Variants in UNC13C observed in about 807,000 individuals in gnomAD.
UNC13C encodes protein unc-13 homolog C.
Under a neutral mutation model 245.4 loss-of-function variants are expected in UNC13C, and 174 were observed. The ratio of observed to expected loss-of-function variants is 0.71; its 90% confidence interval spans 0.63 to 0.80. The LOEUF (loss-of-function observed/expected upper bound fraction) is 0.80, where lower values mean the gene tolerates loss of function less well. Among genes scored for constraint, UNC13C ranks in the 30% least tolerant of loss-of-function variants. The pLI, the probability that UNC13C is intolerant of heterozygous loss-of-function variation, is 0.00. For synonymous variants in UNC13C, 992 were observed against 895.1 expected, an observed-to-expected ratio of 1.11 and a Z score of -1.93; for missense variants, 2,829 against 2,602.9, an observed-to-expected ratio of 1.09 and a Z score of -1.89.
chr15:54,262,731 A>G (rs571943538), intron 8 of UNC13C, among the ~76,000 whole-genome samples: 1 of 152,248 alleles, frequency 6.6e-6, no homozygotes, highest in East Asian at 1.9e-4. Flanking sequence ...AAAATAAAAG[A>G]TAAAGACAGG....
chr15:54,077,973 C>G (rs1226469023), intron 2 of UNC13C, among the ~76,000 whole-genome samples: 1 of 152,160 alleles, frequency 6.6e-6, no homozygotes, highest in African/African-American at 2.4e-5. Context: ...CTTCTTCCCT[C>G]CCAGCCTCCC....
the UNC13C span, among the ~76,000 whole-genome samples, chr15:53,940,691 A>G: frequency 1.3e-5 from 2 of 152,184 alleles, no homozygotes; most frequent in South Asian, 4.1e-4. Context: ...GCAGAGAGCC[A>G]AATCATGAAT....
chr15:54,427,406 C>A (rs776644967), intron 19 of UNC13C, among the ~76,000 whole-genome samples: 27 of 151,794 alleles, frequency 1.8e-4, no homozygotes, highest in Non-Finnish European at 3.1e-4. Context: ...GATTCTGAGG[C>A]TTTCCTCAGC....
chr15:54,306,212 T>TTA (rs2037720282), intron 13 of UNC13C, among the ~76,000 whole-genome samples: 1 of 152,100 alleles, frequency 6.6e-6, no homozygotes, highest in Middle Eastern at 3.4e-3. Flanking sequence ...AGGGTACCAT[T>TTA]TATTAGCCCT....
At chr15:54,216,471 T>C (rs1415271788) in intron 4 of UNC13C, among the ~76,000 whole-genome samples, 1 of 151,962 alleles carries the variant, frequency 6.6e-6, no homozygotes, top group Non-Finnish European at 1.5e-5. Context: ...ATTGCTGGCA[T>C]GTTTGTGAAA....
At chr15:54,326,987 C>G (rs557058012) in intron 14 of UNC13C, among the ~76,000 whole-genome samples, 23 of 151,944 alleles carry the variant, frequency 1.5e-4, no homozygotes, top group African/African-American at 5.1e-4. Flanking sequence ...GCCACTTTAC[C>G]AGCGCATCAC....
chr15:54,376,114 G>T (rs2140890988), intron 17 of UNC13C, among the ~76,000 whole-genome samples: 1 of 151,954 alleles, frequency 6.6e-6, no homozygotes, highest in South Asian at 2.1e-4. Flanking sequence ...CATTCAAATT[G>T]CTTTCATGTA....
At chr15:54,103,175 C>A (rs1286011162) in intron 2 of UNC13C, among the ~76,000 whole-genome samples, 1 of 152,310 alleles carries the variant, frequency 6.6e-6, no homozygotes, top group East Asian at 1.9e-4. Flanking sequence ...AACTGTGATA[C>A]ACAAACACAC....
At chr15:54,144,306 A>C (rs1370513959) in intron 4 of UNC13C, among the ~76,000 whole-genome samples, 1 of 144,504 alleles carries the variant, frequency 6.9e-6, no homozygotes, top group Non-Finnish European at 1.5e-5. Flanking sequence ...CTGTGTTCAT[A>C]TAAAATAAGT....
the UNC13C span, among the ~76,000 whole-genome samples, chr15:53,895,125 A>G: frequency 6.6e-6 from 1 of 152,038 alleles, no homozygotes; most frequent in Non-Finnish European, 1.5e-5. Context: ...ACACTTTGGG[A>G]GACCAAGGTG....
intron 18 of UNC13C, among the ~76,000 whole-genome samples, chr15:54,400,958 G>T (rs1443223675): frequency 6.6e-6 from 1 of 152,118 alleles, no homozygotes; most frequent in African/African-American, 2.4e-5. Context: ...CATGTCCTTT[G>T]TAGGGACATG....
At chr15:54,605,505 A>T (rs1425585444) in intron 30 of UNC13C, among the ~76,000 whole-genome samples, 1 of 152,190 alleles carries the variant, frequency 6.6e-6, no homozygotes, top group Admixed American at 6.5e-5. Flanking sequence ...GCTGCATATC[A>T]AAACTACCTA....
intron 26 of UNC13C, among the ~76,000 whole-genome samples, chr15:54,538,837 G>A (rs1418383638): frequency 6.6e-6 from 1 of 151,964 alleles, no homozygotes; most frequent in Non-Finnish European, 1.5e-5. Flanking sequence ...AGACACTAGA[G>A]CCTACTTAAG....
At chr15:54,190,719 T>G (rs1267683742) in intron 4 of UNC13C, among the ~76,000 whole-genome samples, 1 of 152,024 alleles carries the variant, frequency 6.6e-6, no homozygotes, top group Non-Finnish European at 1.5e-5. Context: ...ATGTGTCCCA[T>G]TTAGTAATTT....
At chr15:54,412,324 G>C (rs2040432774) in intron 18 of UNC13C, among the ~76,000 whole-genome samples, 1 of 152,188 alleles carries the variant, frequency 6.6e-6, no homozygotes, top group South Asian at 2.1e-4. Context: ...GTTGAAGGCT[G>C]AGGGGAAGCA....
At chr15:54,535,295 G>T (rs1487974362) in intron 26 of UNC13C, among the ~76,000 whole-genome samples, 2 of 151,874 alleles carry the variant, frequency 1.3e-5, no homozygotes, top group African/African-American at 4.8e-5. Context: ...AATGATAAAG[G>T]GTTCAATTCA....
intron 25 of UNC13C, 73 bp downstream of exon 25, chr15:54,525,710 C>T (rs1463447479): frequency 2.1e-5 from 26 of 1,222,696 alleles, no homozygotes; most frequent in Non-Finnish European, 5.9e-6. Flanking sequence ...GCCTTCAATG[C>T]TGTTTCCTCT....
At chr15:54,273,828 A>G (rs1404805568) in intron 10 of UNC13C, among the ~76,000 whole-genome samples, 1 of 152,030 alleles carries the variant, frequency 6.6e-6, no homozygotes, top group Non-Finnish European at 1.5e-5. Flanking sequence ...TAGACCACCT[A>G]TTTTGAAAGC....
intron 17 of UNC13C, among the ~76,000 whole-genome samples, chr15:54,380,063 C>A (rs563825893): frequency 3.3e-5 from 5 of 152,044 alleles, no homozygotes; most frequent in Non-Finnish European, 7.4e-5. Context: ...ACATGGTGTA[C>A]AATAGATCTC....
Sources: gnomAD v4.1 joint callset for allele counts (sites outside exome capture counted in the v4.1 genomes callset) on GRCh38, gnomAD v4.1.1 for gene constraint, MANE v1.5 for transcripts, NCBI Gene and HGNC (gene_info 2026-07-23, HGNC 2026-07-21) for gene names.